The following TAF1 variants were observed in gnomAD, a reference collection of about 807,000 sequenced individuals.
TAF1 encodes the protein transcription initiation factor TFIID subunit 1.
Under a neutral mutation model 138.5 loss-of-function variants are expected in TAF1, and 2 were observed. The ratio of observed to expected loss-of-function variants is 0.01; its 90% CI spans 0.01 to 0.05. TAF1 has a LOEUF of 0.05. Ranked by LOEUF, TAF1 falls within the 10% of genes least tolerant of loss-of-function variation. The pLI is 1.00. For missense variants in TAF1, 709 were observed against 1,478.0 expected (o/e 0.48, Z 8.53); for synonymous variants, 437 against 503.2 (o/e 0.87, Z 1.76).
intron 28 of TAF1, among the ~76,000 whole-genome samples, chrX:71,413,446 T>A (rs929208288): frequency 8.9e-6 from 1 of 112,317 alleles, no homozygotes; most frequent in Non-Finnish European, 1.9e-5. Flanking sequence ...CTAATTATGC[T>A]GAAAATTTTT....
chrX:71,420,214 C>T, intron 28 of TAF1: 1 of 702,299 alleles, frequency 1.4e-6, no homozygotes, highest in Non-Finnish European at 2.3e-6. Flanking sequence ...TAGCGGGCTC[C>T]TGGAAAACCC....
intron 3 of TAF1, among the ~76,000 whole-genome samples, chrX:71,369,292 C>T (rs957043669): frequency 9.0e-6 from 1 of 111,482 alleles, no homozygotes; most frequent in Admixed American, 9.6e-5. Flanking sequence ...GCCACCGCAC[C>T]CTGCCTAAAA....
At chrX:71,427,687 C>A (rs898468254) in intron 32 of TAF1, among the ~76,000 whole-genome samples, 3 of 111,407 alleles carry the variant, frequency 2.7e-5, no homozygotes, top group Non-Finnish European at 3.8e-5. Flanking sequence ...GCCTGTAATC[C>A]CAGCACTTTG....
downstream of TAF1, among the ~76,000 whole-genome samples, chrX:71,467,004 C>T (rs1213969114): frequency 9.9e-6 from 1 of 101,303 alleles, no homozygotes; most frequent in Non-Finnish European, 2.0e-5. Flanking sequence ...AAGAATGCTT[C>T]ACAGAGGAGA....
intron 13 of TAF1, among the ~76,000 whole-genome samples, chrX:71,481,241 T>G (rs979021548): frequency 8.9e-6 from 1 of 111,801 alleles, no homozygotes; most frequent in Non-Finnish European, 1.9e-5. Flanking sequence ...ATCGTGCCAT[T>G]GCACTCCAGC....
chrX:71,452,483 C>T (rs1334452783), intron 32 of TAF1, among the ~76,000 whole-genome samples: 2 of 109,302 alleles, frequency 1.8e-5, no homozygotes, highest in Non-Finnish European at 1.9e-5. Context: ...CAGAGACGCT[C>T]CTCACTTCCT....
chrX:71,420,572 A>C, intron 28 of TAF1: 1 of 1,208,744 alleles, frequency 8.3e-7, no homozygotes, highest in Non-Finnish European at 1.1e-6. Context: ...CTGCTTCTCT[A>C]CCTCGTTCTG....
At chrX:71,382,910 G>T in intron 11 of TAF1, 42 bp downstream of exon 11, 1 of 1,193,143 alleles carries the variant, frequency 8.4e-7, no homozygotes, top group Non-Finnish European at 1.1e-6. Context: ...GAACCCCATG[G>T]CTTTGTTCTG....
intron 13 of TAF1, among the ~76,000 whole-genome samples, chrX:71,476,360 G>T (rs2038979703): frequency 9.0e-6 from 1 of 111,305 alleles, no homozygotes; most frequent in South Asian, 3.8e-4. Flanking sequence ...TTTAGGCTGG[G>T]TGTGGTGGCT....
chrX:71,416,464 A>G (rs1367789476), intron 28 of TAF1, among the ~76,000 whole-genome samples: 5 of 104,156 alleles, frequency 4.8e-5, no homozygotes, highest in Middle Eastern at 4.9e-3. Context: ...CTCTCTGCCC[A>G]CACAGAGCCA....
chrX:71,379,352 G>A (rs1402109570), intron 8 of TAF1, among the ~76,000 whole-genome samples: 1 of 108,626 alleles, frequency 9.2e-6, no homozygotes, highest in Non-Finnish European at 1.9e-5. Context: ...CCGACCTCAG[G>A]TGATCACCCG....
At chrX:71,432,140 GA>G (rs1239730673) in intron 32 of TAF1, among the ~76,000 whole-genome samples, 9 of 110,595 alleles carry the variant, frequency 8.1e-5, no homozygotes, top group Non-Finnish European at 1.3e-4. Flanking sequence ...GAATGAATGG[GA>G]AGTAAGAAAG....
chrX:71,497,998 G>A lies in TAF1; in HGVS notation c.1367-30544G>A, dbSNP rs375055932. Among the ~76,000 whole-genome samples the A allele has an allele frequency of 6.3e-5, 7 of 111,512 alleles. No homozygotes were observed. The South Asian group carries it at 2.6e-3, about 42-fold the overall frequency. ...TTGTTGTAGGCAGAGCTGGGCCTTC[G>A]ATTTAGAGACCTTGTACCCTTGATT... On this transcript the variant is annotated intron_variant and NMD_transcript_variant, in intron 13 of 14. Coordinates refer to the TAF1 transcript ENST00000373775.
chrX:71,397,103 A>T (rs1262372327), intron 22 of TAF1, 150 bp from the exon 23 acceptor site: 2 of 557,314 alleles, frequency 3.6e-6, no homozygotes, highest in African/African-American at 4.7e-5. Flanking sequence ...ACAAATCAGC[A>T]TATTCTTGGG....
chrX:71,462,804 A>G, intron 37 of TAF1, among the ~76,000 whole-genome samples: 1 of 111,646 alleles, frequency 9.0e-6, no homozygotes, highest in Non-Finnish European at 1.9e-5. Flanking sequence ...ATAAATAAAA[A>G]CATTTAAAAA....
At chrX:71,503,952 G>C (rs1249065009) in intron 13 of TAF1, among the ~76,000 whole-genome samples, 1 of 110,885 alleles carries the variant, frequency 9.0e-6, no homozygotes, top group African/African-American at 3.3e-5. Context: ...AGGTGTTGCT[G>C]TACAGGTATT....
intron 28 of TAF1, among the ~76,000 whole-genome samples, chrX:71,418,856 C>T (rs2036175172): frequency 9.3e-6 from 1 of 107,905 alleles, no homozygotes; most frequent in Non-Finnish European, 1.9e-5. Flanking sequence ...CAACCTCCAC[C>T]TCCCGGGTTC....
intron 22 of TAF1, 113 bp downstream of exon 22, chrX:71,394,358 A>G (rs2034730937): frequency 2.1e-6 from 2 of 951,014 alleles, no homozygotes; most frequent in Non-Finnish European, 2.8e-6. Context: ...TAAGGGATGC[A>G]TGTAGAAAAG....
At chrX:71,373,183 T>G (rs2148186446) in intron 3 of TAF1, among the ~76,000 whole-genome samples, 1 of 104,332 alleles carries the variant, frequency 9.6e-6, no homozygotes, top group South Asian at 4.6e-4. Context: ...TTTTTTTTTT[T>G]TTGAGACAGA....
Sources: gnomAD v4.1 joint callset for allele counts (sites outside exome capture counted in the v4.1 genomes callset) on GRCh38, gnomAD v4.1.1 for gene constraint, MANE v1.5 for transcripts, NCBI Gene and HGNC (gene_info 2026-07-23, HGNC 2026-07-21) for gene names.